The following AMPH variants were observed in gnomAD, a reference collection of about 807,000 sequenced individuals.
AMPH encodes amphiphysin (Stiff-Mann syndrome with breast cancer 128kD autoantigen).
In AMPH, 49 loss-of-function variants were observed where a neutral mutation model predicts 99.1. That is an observed-to-expected ratio of 0.49 (90% confidence interval 0.39 to 0.63). The LOEUF is 0.63. AMPH is among the 20% of genes least tolerant of loss of function. AMPH has a pLI of 0.00. For missense variants in AMPH, 759 were observed against 863.4 expected (o/e 0.88, Z 1.52); for synonymous variants, 314 against 317.3 (o/e 0.99, Z 0.11).
Position 38,460,282 on chromosome 7 carries a change from A to T in AMPH, c.1017+1001T>A, listed in dbSNP as rs149659227. The stretch of plus-strand genomic sequence containing the variant: ...AACTAGTACAGAAAACAGTAGGGAG[A>T]TTCCTCAAAAAAACTAAAAATAGAA... On this transcript the variant is annotated intron_variant, in intron 11 of 20. Coordinates refer to ENST00000356264, the MANE Select transcript of AMPH (RefSeq NM_001635.4). 6.2e-4 allele frequency among the ~76,000 whole-genome samples: 95 copies of T among 152,262 alleles called. No individual in the cohort carries two copies. The East Asian group carries it at 0.018, about 28-fold the overall frequency.
intron 16 of AMPH, among the ~76,000 whole-genome samples, chr7:38,422,185 T>G (rs2128989028): frequency 6.6e-6 from 1 of 152,284 alleles, no homozygotes; most frequent in Admixed American, 6.5e-5. Flanking sequence ...TCTGCTGGGG[T>G]TCATCATTAG....
chr7:38,427,892 AATT>A (rs1014103521), intron 14 of AMPH: 2 of 456,480 alleles, frequency 4.4e-6, no homozygotes, highest in African/African-American at 4.0e-5. Flanking sequence ...TCTGGTTAGC[AATT>A]TCATCTTCAG....
rs3807418 is a variant in AMPH, at chr7:38,482,475, C to T, written c.397-5506G>A. On this transcript the variant is annotated intron_variant, in intron 5 of 20. Transcript: ENST00000356264. ...ACATGGAATAAACTGAGAAGACCAGCCAATATAATCTGTCATAATTTTATT... is the reference window on the plus strand; with the variant it reads ...ACATGGAATAAACTGAGAAGACCAGTCAATATAATCTGTCATAATTTTATT... Among the ~76,000 whole-genome samples, 1,479 of 152,190 alleles carry T rather than the reference C, an allele frequency of 9.7e-3. 57 individuals are homozygous for T. The South Asian group carries it at 0.11, about 11-fold the overall frequency.
chr7:38,568,923 A>C (rs1027340386), intron 1 of AMPH, among the ~76,000 whole-genome samples: 16 of 152,330 alleles, frequency 1.1e-4, no homozygotes, highest in Admixed American at 3.9e-4. Context: ...ACAGCTCTAC[A>C]TAATGGGTGA....
At chr7:38,523,434 C>T (rs1299501621) in intron 2 of AMPH, among the ~76,000 whole-genome samples, 4 of 152,190 alleles carry the variant, frequency 2.6e-5, no homozygotes, top group Admixed American at 2.6e-4. Flanking sequence ...ACAACAAGAT[C>T]CTGAAACATA....
At chr7:38,490,904 T>C in intron 5 of AMPH, 146 bp downstream of exon 5, 1 of 562,728 alleles carries the variant, frequency 1.8e-6, no homozygotes, top group Non-Finnish European at 3.2e-6. Context: ...AGGAACAACA[T>C]AAAAATCCCA....
chr7:38,540,833 G>T (rs1354638895), intron 1 of AMPH, among the ~76,000 whole-genome samples: 1 of 151,342 alleles, frequency 6.6e-6, no homozygotes, highest in Admixed American at 6.6e-5. Flanking sequence ...AATGATGGCA[G>T]GGTTGGCCAC....
intron 17 of AMPH, among the ~76,000 whole-genome samples, chr7:38,408,612 G>T (rs752303945): frequency 1.3e-5 from 2 of 151,904 alleles, no homozygotes; most frequent in Admixed American, 6.6e-5. Context: ...ATACAACGGC[G>T]TGGTGGTGGG....
intron 1 of AMPH, among the ~76,000 whole-genome samples, chr7:38,598,185 T>A (rs1455769135): frequency 6.6e-6 from 1 of 152,258 alleles, no homozygotes; most frequent in Non-Finnish European, 1.5e-5. Flanking sequence ...TAAGGTCAAC[T>A]TCCTTTTAGT....
At chr7:38,454,902 G>A (rs1787171178) in intron 11 of AMPH, among the ~76,000 whole-genome samples, 1 of 152,020 alleles carries the variant, frequency 6.6e-6, no homozygotes, top group Non-Finnish European at 1.5e-5. Context: ...ACAATATTAT[G>A]ACATGAAAAT....
chr7:38,392,893 G>A (rs886456698), intron 18 of AMPH, among the ~76,000 whole-genome samples: 5 of 152,294 alleles, frequency 3.3e-5, no homozygotes, highest in Non-Finnish European at 7.4e-5. Flanking sequence ...TGCTGTGGCC[G>A]CTGGAGGGAC....
intron 1 of AMPH, among the ~76,000 whole-genome samples, chr7:38,587,724 T>C (rs1167857186): frequency 1.3e-5 from 2 of 152,114 alleles, no homozygotes; most frequent in Non-Finnish European, 2.9e-5. Flanking sequence ...TGAAACATCA[T>C]ACCATGTGTA....
At chr7:38,467,984 T>C (rs536351479) in intron 7 of AMPH, among the ~76,000 whole-genome samples, 75 of 152,302 alleles carry the variant, frequency 4.9e-4, no homozygotes, top group African/African-American at 1.7e-3. Context: ...TTATTAATTT[T>C]TTTCTATGGT....
At chr7:38,597,563 A>C (rs973629649) in intron 1 of AMPH, among the ~76,000 whole-genome samples, 9 of 152,146 alleles carry the variant, frequency 5.9e-5, no homozygotes, top group African/African-American at 2.2e-4. Flanking sequence ...TACATTCCCC[A>C]TGCTGAGGTG....
At chr7:38,557,939 C>T (rs1022304401) in intron 1 of AMPH, among the ~76,000 whole-genome samples, 3 of 151,542 alleles carry the variant, frequency 2.0e-5, no homozygotes, top group South Asian at 2.1e-4. Context: ...GCTGTGACCC[C>T]AGCTACTCAG....
At chr7:38,547,602 TAGAA>T (rs773887695) in intron 1 of AMPH, among the ~76,000 whole-genome samples, 17 of 152,172 alleles carry the variant, frequency 1.1e-4, no homozygotes, top group Non-Finnish European at 2.5e-4. Flanking sequence ...TCAGTCAACT[TAGAA>T]AGTTTATTTT....
At chr7:38,536,835 C>G (rs1776639126) in intron 1 of AMPH, among the ~76,000 whole-genome samples, 1 of 151,960 alleles carries the variant, frequency 6.6e-6, no homozygotes, top group Non-Finnish European at 1.5e-5. Context: ...GCAGAATACA[C>G]TGCATTTTTG....
intron 11 of AMPH, among the ~76,000 whole-genome samples, chr7:38,441,648 C>A (rs754893936): frequency 1.3e-5 from 2 of 151,108 alleles, no homozygotes; most frequent in African/African-American, 4.9e-5. Context: ...TGCATTTGTG[C>A]GTTTGTCGCA....
intron 1 of AMPH, among the ~76,000 whole-genome samples, chr7:38,545,479 C>A (rs1039283950): frequency 2.6e-5 from 4 of 152,088 alleles, no homozygotes; most frequent in African/African-American, 9.7e-5. Context: ...ATAGTGTGAC[C>A]AGAATTCTCA....
Sources: allele counts gnomAD v4.1 joint callset (sites outside exome capture counted in the v4.1 genomes callset), GRCh38; gene constraint gnomAD v4.1.1; transcripts MANE v1.5; gene names NCBI Gene and HGNC (gene_info 2026-07-23, HGNC 2026-07-21).